The following TIPIN variants were observed in gnomAD, a reference collection of about 807,000 sequenced individuals.
The protein encoded by TIPIN is TIMELESS interacting protein.
A neutral mutation model predicts 35.6 loss-of-function variants in TIPIN; 29 were observed. That is an observed-to-expected ratio of 0.82 (90% confidence interval 0.61 to 1.11). The LOEUF (loss-of-function observed/expected upper bound fraction) is 1.11, where lower values mean the gene tolerates loss of function less well. Among genes scored for constraint, TIPIN ranks in the 50% most tolerant of loss-of-function variants. TIPIN has a pLI of 0.00. For synonymous variants in TIPIN, 102 were observed against 121.5 expected (o/e 0.84, Z 1.06); for missense variants, 296 against 345.4 (o/e 0.86, Z 1.13).
At chr15:66,338,303 T>C (rs62627334) in intron 7 of TIPIN, among the ~76,000 whole-genome samples, 3 of 151,998 alleles carry the variant, frequency 2.0e-5, no homozygotes, top group Non-Finnish European at 2.9e-5. Flanking sequence ...AAAAACCAAG[T>C]GCGTTTAGGT....
intron 1 of TIPIN, chr15:66,383,598 C>A: frequency 1.0e-5 from 10 of 984,826 alleles, no homozygotes; most frequent in Non-Finnish European, 1.2e-5. Flanking sequence ...TATTATTTTA[C>A]TCTGATACTA....
At position 66,344,702 on chromosome 15, in the gene TIPIN, A is replaced by G. The variant is rs79090892; in HGVS notation, c.476-3346T>C. Among the ~76,000 whole-genome samples the G allele has an allele frequency of 3.4e-4, 51 of 151,526 alleles. No homozygotes were observed. In the Middle Eastern group the frequency reaches 0.01, roughly 31 times the overall value. Reference sequence around the variant, plus strand: ...CCTTTCTCTACAAAAAAAAAAAGAAAAAAAAAAAAAAGAAAAACTTGGGCA... The same window carrying G: ...CCTTTCTCTACAAAAAAAAAAAGAAGAAAAAAAAAAAGAAAAACTTGGGCA... On this transcript the variant is annotated intron_variant, in intron 6 of 7. Transcript: ENST00000261881.
rs747834289 is a variant in TIPIN, at chr15:66,355,027, C to CTTTTT, written c.-9+1607_-9+1611dup. Among the ~76,000 whole-genome samples, 8 of 112,716 alleles carry CTTTTT rather than the reference C, an allele frequency of 7.1e-5. 1 individual carries two copies. The highest frequency in any genetic ancestry group is 5.9e-4 in the South Asian group (2 of 3,370). 73.9% of individuals were successfully genotyped at this position (112,716 alleles called of 152,430 possible). ...TACACAGCAAGTGCTCAATATATAT[C>CTTTTT]TTTTTTTTTTTTTTTTTTTTTTGAG... On this transcript the variant is annotated intron_variant, in intron 1 of 7. Transcript: ENST00000261881.
At chr15:66,379,542 C>G in intron 1 of TIPIN, 6 of 1,609,902 alleles carry the variant, frequency 3.7e-6, no homozygotes, top group Non-Finnish European at 4.2e-6. Context: ...CATCCGCACC[C>G]TGCGGATGTA....
chr15:66,375,341 G>GTTTA (rs948457000), intron 1 of TIPIN, among the ~76,000 whole-genome samples: 6 of 151,216 alleles, frequency 4.0e-5, no homozygotes, highest in Admixed American at 6.6e-5. Context: ...CTCTGTTTTT[G>GTTTA]TTTATTTATT....
chr15:66,383,791 A>G (rs2093326463), intron 1 of TIPIN: 1 of 158,856 alleles, frequency 6.3e-6, no homozygotes, highest in Non-Finnish European at 1.3e-5. Context: ...CATGAAGACC[A>G]TAGTTAATAA....
rs755899670 is a variant in TIPIN, at chr15:66,352,147, G to A, written c.194C>T (p.Pro65Leu). 1 of 1,608,434 alleles carries A rather than the reference G, an allele frequency of 6.2e-7. No individual in the cohort carries two copies. The highest frequency in any genetic ancestry group is 1.1e-5 in the South Asian group (1 of 89,770). Residue 65 changes from proline to leucine, a missense_variant, in exon 3 of 8, where the codon CCC (proline) becomes CTC (leucine). Coordinates refer to ENST00000261881, the MANE Select transcript of TIPIN (RefSeq NM_017858.3). Reference sequence around the variant, plus strand: ...AATGTACCTCTGAGCATCCAGCTTGGGTATATTTCTTTTAACTGTTCTCTT... The same window carrying A: ...AATGTACCTCTGAGCATCCAGCTTGAGTATATTTCTTTTAACTGTTCTCTT... ...PPKRTVKRNI[P>L]KLDAQRLISE...
At chr15:66,363,202 A>C (rs983546666) in intron 1 of TIPIN, among the ~76,000 whole-genome samples, 1 of 152,144 alleles carries the variant, frequency 6.6e-6, no homozygotes, top group Non-Finnish European at 1.5e-5. Context: ...ACATAGTGAG[A>C]CCTTGTCTCT....
intron 1 of TIPIN, among the ~76,000 whole-genome samples, chr15:66,354,045 G>A (rs1177235415): frequency 1.3e-5 from 2 of 152,020 alleles, no homozygotes; most frequent in African/African-American, 2.4e-5. Flanking sequence ...CCCTTTCTGG[G>A]CACTCCTCCT....
At chr15:66,353,016 G>T in intron 1 of TIPIN, 61 bp from the exon 2 acceptor site, 1 of 1,476,922 alleles carries the variant, frequency 6.8e-7, no homozygotes, top group Non-Finnish European at 9.1e-7. Context: ...ATATAGACAA[G>T]TTCTACCTGC....
rs1206635908 is a variant in TIPIN, at chr15:66,351,534, T to G, written c.279A>C (p.Lys93Asn). ...HVFDKAKFKG[K>N]GHEAEDLKML... ...AAAAATCAGTTCTTACCTCATGACC[T>G]TTACCTTTGAATTTTGCCTTATCAA... Residue 93 changes from lysine to asparagine, a missense_variant, in exon 4 of 8, where the codon AAA (lysine) becomes AAC (asparagine). Lys to Asn is a moderately conservative substitution (Grantham distance 94). Transcript: ENST00000261881. 3 of 1,612,952 alleles carry G rather than the reference T, an allele frequency of 1.9e-6. No homozygotes were observed. Among genetic ancestry groups the G allele is most frequent in the Non-Finnish European group, 1.7e-6 (2 of 1,179,270 alleles).
intron 1 of TIPIN, among the ~76,000 whole-genome samples, chr15:66,364,770 T>C (rs975515948): frequency 3.3e-5 from 5 of 151,666 alleles, no homozygotes; most frequent in African/African-American, 1.2e-4. Flanking sequence ...AGTTCGAGAC[T>C]AGCCTGACTA....
chr15:66,359,222 TTC>T (rs2093220968), upstream of TIPIN, among the ~76,000 whole-genome samples: 3 of 151,738 alleles, frequency 2.0e-5, no homozygotes, highest in African/African-American at 7.3e-5. Context: ...AAATTACCAA[TTC>T]TGTCTAAAAT....
intron 1 of TIPIN, among the ~76,000 whole-genome samples, chr15:66,376,585 A>C (rs1595820650): frequency 6.6e-6 from 1 of 151,378 alleles, no homozygotes; most frequent in African/African-American, 2.4e-5. Flanking sequence ...TCTACCACCA[A>C]GCCTGGCTAA....
Position 66,349,046 on chromosome 15 carries a change from A to T in TIPIN, c.475+14T>A. 6.3e-7 allele frequency: 1 copy of T among 1,599,260 alleles called. No individual in the cohort carries two copies. Among genetic ancestry groups the T allele is most frequent in the South Asian group, 1.1e-5 (1 of 90,130 alleles). ...AGCAAAATTGTTATAAAGTAGATAA[A>T]CCTATATTCTTACCATTATTGCTAA... On this transcript the variant is annotated intron_variant, in intron 6 of 7. Coordinates refer to ENST00000261881, the MANE Select transcript of TIPIN (RefSeq NM_017858.3).
At chr15:66,346,778 A>G (rs2093128596) in intron 6 of TIPIN, among the ~76,000 whole-genome samples, 1 of 151,880 alleles carries the variant, frequency 6.6e-6, no homozygotes, top group South Asian at 2.1e-4. Context: ...AATTTAAATC[A>G]CGGATTATTT....
intron 1 of TIPIN, among the ~76,000 whole-genome samples, chr15:66,384,051 C>A (rs2093327715): frequency 6.6e-6 from 1 of 152,066 alleles, no homozygotes; most frequent in African/African-American, 2.4e-5. Flanking sequence ...GGCTGGAGTG[C>A]AGTGGCGCGA....
At chr15:66,359,660 T>A (rs2093222968), upstream of TIPIN, among the ~76,000 whole-genome samples, 1 of 152,130 alleles carries the variant, frequency 6.6e-6, no homozygotes, top group African/African-American at 2.4e-5. Context: ...AAAAGTTACA[T>A]GAATTTGAAT....
upstream of TIPIN, among the ~76,000 whole-genome samples, chr15:66,358,809 CAAGGTGGGTGGATCACCTGAGGTCAGG>C (rs1322426265): frequency 1.3e-5 from 2 of 152,036 alleles, no homozygotes; most frequent in Non-Finnish European, 2.9e-5. Context: ...TTTGGGAGGC[CAAGGTGGGTGGATCACCTGAGGTCAGG>C]AATTCGAGAC....
Sources: gnomAD v4.1 joint callset for allele counts (sites outside exome capture counted in the v4.1 genomes callset) on GRCh38, gnomAD v4.1.1 for gene constraint, MANE v1.5 for transcripts, NCBI Gene and HGNC (gene_info 2026-07-23, HGNC 2026-07-21) for gene names.